PCDH7: variants seen among roughly 807,000 people sequenced by gnomAD.
PCDH7 encodes protocadherin 7, also known as protocadherin-7.
PCDH7 carries 17 observed loss-of-function variants against 58.9 expected under a neutral mutation model. The observed-to-expected ratio is 0.29, with a 90% CI of 0.20 to 0.43. The LOEUF (loss-of-function observed/expected upper bound fraction) is 0.43, where lower values mean the gene tolerates loss of function less well. Among genes scored for constraint, PCDH7 ranks in the 20% least tolerant of loss-of-function variants. The pLI, the probability that PCDH7 is intolerant of heterozygous loss-of-function variation, is 1.00. For synonymous variants in PCDH7, 664 were observed against 616.4 expected (o/e 1.08, Z -1.14); for missense variants, 1,274 against 1,441.0 (o/e 0.88, Z 1.88).
rs572759080 is a variant in PCDH7 at position 30,729,102 on chromosome 4, G to C, written c.3175-1651G>C. 2.0e-5 allele frequency among the ~76,000 whole-genome samples: 3 copies of C among 151,922 alleles called. No homozygotes were observed. The South Asian group carries it at 6.2e-4, about 32-fold the overall frequency. ...CCTCATTTTAATAGAAGAGGAGACT[G>C]AGGCCCAGCATGAAACAGTGACTTG... On this transcript the variant is annotated intron_variant, in intron 1 of 1. Coordinates refer to ENST00000361762, the Ensembl canonical transcript of PCDH7.
intron 3 of PCDH7, among the ~76,000 whole-genome samples, chr4:31,062,627 A>T (rs1048497239): frequency 6.6e-6 from 1 of 151,732 alleles, no homozygotes; most frequent in Non-Finnish European, 1.5e-5. Flanking sequence ...TGCCAATGAA[A>T]ATCAATAAAA....
Position 30,830,119 on chromosome 4 carries a change from C to T in PCDH7, c.71-90034C>T, listed in dbSNP as rs146599943. On this transcript the variant is annotated intron_variant, in intron 1 of 3. Transcript: ENST00000509759. ...TCTTGAGACATTTTAAAATGCACTA[C>T]GTGTCAAATCTGATTCAACTATGAT... 3.7e-4 allele frequency among the ~76,000 whole-genome samples: 56 copies of T among 152,034 alleles called. 1 individual carries two copies. Among genetic ancestry groups the T allele is most frequent in the African/African-American group, 5.5e-4 (23 of 41,496 alleles).
intron 1 of PCDH7, among the ~76,000 whole-genome samples, chr4:30,855,156 G>C (rs1220413203): frequency 6.6e-6 from 1 of 152,114 alleles, no homozygotes; most frequent in Non-Finnish European, 1.5e-5. Flanking sequence ...CCACACATTG[G>C]TGAAGCATCC....
chr4:30,760,149 A>G (rs1319662919), intron 1 of PCDH7, among the ~76,000 whole-genome samples: 2 of 152,148 alleles, frequency 1.3e-5, no homozygotes, highest in Non-Finnish European at 2.9e-5. Flanking sequence ...CAGTGTTTCT[A>G]CATGTTTCTC....
rs1190443409 is a variant in PCDH7 at position 31,097,587 on chromosome 4, CAT to C, written c.*8-44836_*8-44835del. ...TGTGGCTGTTTTTCCTCCAAATATA[CAT>C]ATATATATATATATATATATATATA... On this transcript the variant is annotated intron_variant, in intron 3 of 3. Coordinates refer to the PCDH7 transcript ENST00000509759. Among the ~76,000 whole-genome samples the C allele has an allele frequency of 7.0e-3, 281 of 40,002 alleles. 3 individuals carry two copies. Among genetic ancestry groups the C allele is most frequent in the Middle Eastern group, 0.017 (1 of 58 alleles). 26.2% of individuals were successfully genotyped at this position (40,002 alleles called of 152,430 possible).
At chr4:31,044,647 G>A (rs1477554841) in intron 3 of PCDH7, among the ~76,000 whole-genome samples, 1 of 151,964 alleles carries the variant, frequency 6.6e-6, no homozygotes, top group Non-Finnish European at 1.5e-5. Context: ...GTGCACTAGA[G>A]TTATTCTAAA....
At chr4:30,803,441 AT>A (rs138812704) in intron 1 of PCDH7, among the ~76,000 whole-genome samples, 6,254 of 150,068 alleles carry the variant, frequency 0.042, 311 homozygotes, top group African/African-American at 0.12. Context: ...ATTCAAGTGC[AT>A]TTTTTTTTTC....
At chr4:31,083,792 C>A (rs1267412503) in intron 3 of PCDH7, among the ~76,000 whole-genome samples, 1 of 152,200 alleles carries the variant, frequency 6.6e-6, no homozygotes, top group African/African-American at 2.4e-5. Context: ...CAAAGTGTAA[C>A]TACCCTCAAT....
At position 31,031,658 on chromosome 4, in the gene PCDH7, C is replaced by A. The variant is rs571065204; in HGVS notation, c.*7+81443C>A. 4.6e-5 allele frequency among the ~76,000 whole-genome samples: 7 copies of A among 151,904 alleles called. No homozygotes were observed. In the South Asian group the frequency reaches 1.5e-3, roughly 32 times the overall value. Reference sequence around the variant, plus strand: ...TGTAATGCAAATTAAAAGAAAAAAACTTTTATTATTCAGTGTTATTTCAAA... The same window carrying A: ...TGTAATGCAAATTAAAAGAAAAAAAATTTTATTATTCAGTGTTATTTCAAA... On this transcript the variant is annotated intron_variant, in intron 3 of 3. Coordinates refer to the PCDH7 transcript ENST00000509759.
At chr4:31,010,107 A>C (rs1327346656) in intron 3 of PCDH7, among the ~76,000 whole-genome samples, 1 of 151,946 alleles carries the variant, frequency 6.6e-6, no homozygotes, top group Non-Finnish European at 1.5e-5. Flanking sequence ...TGTCCTTCTT[A>C]TTGTATTGAG....
intron 2 of PCDH7, among the ~76,000 whole-genome samples, chr4:30,937,697 G>T (rs1355999422): frequency 6.6e-6 from 1 of 151,912 alleles, no homozygotes; most frequent in Non-Finnish European, 1.5e-5. Flanking sequence ...ATCTTTTTAT[G>T]TTCAGGAGAG....
chr4:31,029,963 G>A (rs1018669214), intron 3 of PCDH7, among the ~76,000 whole-genome samples: 3 of 152,122 alleles, frequency 2.0e-5, no homozygotes, highest in African/African-American at 7.2e-5. Flanking sequence ...ACTAGACTAG[G>A]CTGGGTTCTA....
chr4:30,829,848 T>C (rs1729556652), intron 1 of PCDH7, among the ~76,000 whole-genome samples: 1 of 152,062 alleles, frequency 6.6e-6, no homozygotes, highest in Non-Finnish European at 1.5e-5. Context: ...GAGGAGTTGA[T>C]GATATGTTGT....
intron 1 of PCDH7, among the ~76,000 whole-genome samples, chr4:30,799,575 T>C (rs1230394341): frequency 2.0e-5 from 3 of 152,326 alleles, no homozygotes; most frequent in African/African-American, 2.4e-5. Flanking sequence ...TGTACTTTCT[T>C]ACAAGTAATT....
chr4:30,964,252 T>TTATTTA (rs1383850580), intron 3 of PCDH7, among the ~76,000 whole-genome samples: 5 of 94,198 alleles, frequency 5.3e-5, no homozygotes, highest in African/African-American at 1.3e-4. Context: ...ATTTATTTAT[T>TTATTTA]TTTTTTTGAG....
intron 3 of PCDH7, among the ~76,000 whole-genome samples, chr4:30,970,044 A>G (rs1269191734): frequency 6.6e-6 from 1 of 152,168 alleles, no homozygotes; most frequent in Non-Finnish European, 1.5e-5. Flanking sequence ...AGAGTTACTC[A>G]TTTTGCCTCA....
At chr4:30,778,234 T>A (rs190967064) in intron 1 of PCDH7, among the ~76,000 whole-genome samples, 2 of 152,152 alleles carry the variant, frequency 1.3e-5, no homozygotes, top group Non-Finnish European at 2.9e-5. Context: ...AAAATCCTTA[T>A]GATAATTTGG....
Position 30,721,781 on chromosome 4 carries a change from C to T in PCDH7, c.359C>T (p.Ser120Leu), listed in dbSNP as rs200808814. 19 of 1,613,562 alleles carry T rather than the reference C, an allele frequency of 1.2e-5. No individual in the cohort carries two copies. Among genetic ancestry groups the T allele is most frequent in the African/African-American group, 2.7e-5 (2 of 75,026 alleles). ...TTCGAGGTGTCGGTGATCGGGCCCT[C>T]GCAGAGCTGGGTGGACCTGTTTGAG... Residue 120 changes from serine (S) to leucine (L), a missense_variant, in exon 1 of 2, where the codon TCG becomes TTG. Ser to Leu is a moderately radical substitution (Grantham distance 145). Transcript: ENST00000361762. The surrounding 1 kb of genome is among the most constrained non-coding windows in gnomAD (Gnocchi z 6.7).
At chr4:31,111,423 T>G (rs1290460504) in intron 3 of PCDH7, among the ~76,000 whole-genome samples, 1 of 151,814 alleles carries the variant, frequency 6.6e-6, no homozygotes, top group African/African-American at 2.4e-5. Context: ...TTCTCCCTGC[T>G]TCAGCCTCCC....
Sources: allele counts gnomAD v4.1 joint callset (sites outside exome capture counted in the v4.1 genomes callset), GRCh38; gene constraint gnomAD v4.1.1; non-coding constraint Gnocchi (gnomAD v3.1); transcripts MANE v1.5; gene names NCBI Gene and HGNC (gene_info 2026-07-23, HGNC 2026-07-21).